The following ADAMTSL1 variants were observed in gnomAD, a reference collection of about 807,000 sequenced individuals.
The protein encoded by ADAMTSL1 is ADAMTS like 1.
Under a neutral mutation model 201.8 loss-of-function variants are expected in ADAMTSL1, and 126 were observed. The observed-to-expected ratio is 0.62, with a 90% CI of 0.54 to 0.72. The LOEUF (loss-of-function observed/expected upper bound fraction) is 0.72. Ranked by LOEUF, ADAMTSL1 falls within the 30% of genes least tolerant of loss-of-function variation. The probability of loss-of-function intolerance (pLI) is 0.00; values close to 1 mark genes in which losing one functional copy is unlikely to be tolerated. For synonymous variants in ADAMTSL1, 1,121 were observed against 903.4 expected, an observed-to-expected ratio of 1.24 and a Z score of -4.32; for missense variants, 2,679 against 2,277.8, an observed-to-expected ratio of 1.18 and a Z score of -3.59.
chr9:17,921,193 T>G (rs1239179351), intron 1 of ADAMTSL1, among the ~76,000 whole-genome samples: 2 of 152,192 alleles, frequency 1.3e-5, no homozygotes, highest in Non-Finnish European at 2.9e-5. Context: ...CTCAATTTTA[T>G]TTTCAACAGA....
At chr9:18,882,991 CAAAA>C (rs34408343) in intron 23 of ADAMTSL1, among the ~76,000 whole-genome samples, 16 of 113,686 alleles carry the variant, frequency 1.4e-4, no homozygotes, top group South Asian at 2.9e-4. Flanking sequence ...GAGCCTGCCT[CAAAA>C]AAAAAAAAAA....
chr9:18,408,129 T>G (rs1818280638), intron 2 of ADAMTSL1, among the ~76,000 whole-genome samples: 1 of 152,186 alleles, frequency 6.6e-6, no homozygotes, highest in Non-Finnish European at 1.5e-5. Context: ...GATAATTTTC[T>G]TTAAGTTCAA....
intron 2 of ADAMTSL1, among the ~76,000 whole-genome samples, chr9:18,240,268 C>A (rs1587377868): frequency 1.3e-5 from 2 of 152,228 alleles, no homozygotes; most frequent in African/African-American, 4.8e-5. Context: ...CAACTCTTAT[C>A]TCCTTACATC....
rs201377461 is a variant in ADAMTSL1, at chr9:17,980,384, G to GT, written c.87+73471dup. On this transcript the variant is annotated intron_variant, in intron 1 of 29. Coordinates refer to the ADAMTSL1 transcript ENST00000680146. ...TGCCTCCTGTGTCACATTTTGGTCT[G>GT]TTTTTTTTTCTTTTTCTATCTTCTA... Among the ~76,000 whole-genome samples, 490 of 150,128 alleles carry GT rather than the reference G, an allele frequency of 3.3e-3. 3 individuals are homozygous for GT. Among genetic ancestry groups the GT allele is most frequent in the African/African-American group, 9.7e-3 (397 of 40,912 alleles).
At chr9:18,578,414 G>C (rs1270841234) in intron 4 of ADAMTSL1, among the ~76,000 whole-genome samples, 1 of 152,050 alleles carries the variant, frequency 6.6e-6, no homozygotes, top group East Asian at 1.9e-4. Context: ...ATTCTTATTT[G>C]CTCACTATCA....
At chr9:18,084,899 T>C (rs1464211606) in intron 1 of ADAMTSL1, among the ~76,000 whole-genome samples, 1 of 152,108 alleles carries the variant, frequency 6.6e-6, no homozygotes, top group Non-Finnish European at 1.5e-5. Flanking sequence ...GGGATAAAAA[T>C]AAAGCTTGCA....
rs146484299 is a variant in ADAMTSL1 at position 18,109,483 on chromosome 9, T to C, written c.88-54379T>C. Among the ~76,000 whole-genome samples the C allele has an allele frequency of 1.4e-3, 218 of 152,258 alleles. 6 individuals are homozygous for C. The East Asian group carries it at 0.04, about 28-fold the overall frequency. On this transcript the variant is annotated intron_variant, in intron 1 of 29. Transcript: ENST00000680146. ...AGGTAATAAATCATCCTCCCTCCTG[T>C]CATCCAACTTCAGTTTAGGACTCAC...
intron 2 of ADAMTSL1, 105 bp downstream of exon 2, chr9:18,505,061 C>G: frequency 7.3e-7 from 1 of 1,364,518 alleles, no homozygotes; most frequent in Non-Finnish European, 9.8e-7. Flanking sequence ...GCTTACAGAT[C>G]CAGATAAAAG....
chr9:18,154,346 G>C (rs1201753898), intron 1 of ADAMTSL1, among the ~76,000 whole-genome samples: 1 of 152,048 alleles, frequency 6.6e-6, no homozygotes, highest in African/African-American at 2.4e-5. Context: ...ATCCACTGGG[G>C]CTGCACTCTT....
chr9:18,255,723 T>A (rs1831655957), intron 2 of ADAMTSL1, among the ~76,000 whole-genome samples: 2 of 152,216 alleles, frequency 1.3e-5, no homozygotes, highest in South Asian at 4.1e-4. Flanking sequence ...TTATTAAATC[T>A]TATTTATTTG....
intron 2 of ADAMTSL1, among the ~76,000 whole-genome samples, chr9:18,270,875 G>C (rs1448205318): frequency 6.6e-6 from 1 of 152,146 alleles, no homozygotes; most frequent in Non-Finnish European, 1.5e-5. Flanking sequence ...GGTGAAGAGA[G>C]AGATACATCT....
intron 2 of ADAMTSL1, among the ~76,000 whole-genome samples, chr9:18,346,915 C>T (rs549832153): frequency 9.9e-5 from 15 of 152,268 alleles, no homozygotes; most frequent in African/African-American, 3.6e-4. Context: ...CCAGCACATT[C>T]TCCTCCTTCC....
chr9:18,259,313 C>T (rs1457210452), intron 2 of ADAMTSL1, among the ~76,000 whole-genome samples: 1 of 151,938 alleles, frequency 6.6e-6, no homozygotes, highest in Non-Finnish European at 1.5e-5. Flanking sequence ...CCACTTGAAC[C>T]CAGGAGTTTA....
intron 2 of ADAMTSL1, among the ~76,000 whole-genome samples, chr9:18,202,122 C>T (rs750124202): frequency 1.3e-5 from 2 of 152,018 alleles, no homozygotes; most frequent in Non-Finnish European, 2.9e-5. Context: ...GGGTTGTAAA[C>T]AAGTGTTAAA....
intron 21 of ADAMTSL1, among the ~76,000 whole-genome samples, chr9:18,824,870 G>A (rs974746537): frequency 3.3e-5 from 5 of 151,770 alleles, no homozygotes; most frequent in African/African-American, 1.2e-4. Flanking sequence ...GCTAATTTTT[G>A]TATTTTTAGT....
At chr9:18,849,144 A>T (rs568270192) in intron 23 of ADAMTSL1, among the ~76,000 whole-genome samples, 3 of 152,332 alleles carry the variant, frequency 2.0e-5, no homozygotes, top group South Asian at 4.1e-4. Context: ...TCCCAGCTAG[A>T]TCTAGGTCCT....
chr9:18,063,265 C>A (rs917626890), intron 1 of ADAMTSL1, among the ~76,000 whole-genome samples: 1 of 152,188 alleles, frequency 6.6e-6, no homozygotes, highest in Non-Finnish European at 1.5e-5. Context: ...AGGGAGATCA[C>A]TTGAGCCCAG....
chr9:18,738,781 A>T (rs1009024564), intron 15 of ADAMTSL1, among the ~76,000 whole-genome samples: 1 of 152,248 alleles, frequency 6.6e-6, no homozygotes, highest in Non-Finnish European at 1.5e-5. Context: ...TAGTTACTCT[A>T]ACTTGGGTAT....
chr9:18,214,098 AAAGTC>A (rs1315032625), intron 2 of ADAMTSL1, among the ~76,000 whole-genome samples: 2 of 152,202 alleles, frequency 1.3e-5, no homozygotes, highest in African/African-American at 4.8e-5. Context: ...TTGTAAGAAC[AAAGTC>A]AACTCTTAGT....
Sources: allele counts gnomAD v4.1 joint callset (sites outside exome capture counted in the v4.1 genomes callset), GRCh38; gene constraint gnomAD v4.1.1; transcripts MANE v1.5; gene names NCBI Gene and HGNC (gene_info 2026-07-23, HGNC 2026-07-21).